CEP63: variants seen among roughly 807,000 people sequenced by gnomAD.
CEP63 encodes the protein centrosomal protein of 63 kDa.
CEP63 carries 84 observed loss-of-function variants against 89.1 expected under a neutral mutation model. The observed-to-expected ratio is 0.94, with a 90% CI of 0.79 to 1.13. The LOEUF is 1.13. Ranked by LOEUF, CEP63 falls within the 50% of genes most tolerant of loss-of-function variation. CEP63 has a pLI of 0.00. For missense variants in CEP63, 838 were observed against 813.3 expected (o/e 1.03, Z -0.37); for synonymous variants, 267 against 272.5 (o/e 0.98, Z 0.20).
At chr3:134,750,313 C>A in the CEP63 span, among the ~76,000 whole-genome samples, 1 of 152,166 alleles carries the variant, frequency 6.6e-6, no homozygotes, top group African/African-American at 2.4e-5. Flanking sequence ...TAGTATATGA[C>A]CCAGCCCCTG....
chr3:134,554,097 T>C (rs1483630778), intron 12 of CEP63, among the ~76,000 whole-genome samples: 1 of 152,198 alleles, frequency 6.6e-6, no homozygotes, highest in Non-Finnish European at 1.5e-5. Context: ...CCTTTTATTA[T>C]TATACTTTAA....
the CEP63 span, among the ~76,000 whole-genome samples, chr3:134,684,224 G>A: frequency 6.6e-6 from 1 of 152,184 alleles, no homozygotes; most frequent in East Asian, 1.9e-4. Context: ...GACTAAGGAG[G>A]GGACTAAGCT....
chr3:134,499,317 T>G (rs1182963703), intron 2 of CEP63, among the ~76,000 whole-genome samples: 1 of 152,192 alleles, frequency 6.6e-6, no homozygotes, highest in Non-Finnish European at 1.5e-5. Context: ...TTGTTTGTAA[T>G]AATCTCTAAT....
the CEP63 span, chr3:134,603,500 G>A: frequency 7.6e-6 from 10 of 1,308,790 alleles, no homozygotes; most frequent in Non-Finnish European, 9.5e-6. Flanking sequence ...GGTGTCCAGG[G>A]CTCCCTGCAC....
the CEP63 span, among the ~76,000 whole-genome samples, chr3:134,635,958 G>A: frequency 6.6e-6 from 1 of 152,128 alleles, no homozygotes; most frequent in Non-Finnish European, 1.5e-5. Context: ...ATAGCCATAT[G>A]TTATCATTTC....
intron 2 of CEP63, among the ~76,000 whole-genome samples, chr3:134,503,976 C>T (rs1316891559): frequency 6.6e-6 from 1 of 152,048 alleles, no homozygotes; most frequent in Non-Finnish European, 1.5e-5. Flanking sequence ...GAATTTAAAC[C>T]ATTTACATTC....
At chr3:134,640,849 C>T in the CEP63 span, among the ~76,000 whole-genome samples, 1 of 152,200 alleles carries the variant, frequency 6.6e-6, no homozygotes, top group Admixed American at 6.5e-5. Context: ...TATCACAATG[C>T]CTCTTAAGGG....
intron 3 of CEP63, among the ~76,000 whole-genome samples, chr3:134,530,625 T>G (rs1024377524): frequency 1.3e-5 from 2 of 152,210 alleles, no homozygotes; most frequent in African/African-American, 2.4e-5. Context: ...TTTTCATTAG[T>G]TTTAAGCTCA....
At chr3:134,759,745 GATAGCAATGATGACA>G in the CEP63 span, among the ~76,000 whole-genome samples, 1 of 152,192 alleles carries the variant, frequency 6.6e-6, no homozygotes, top group Non-Finnish European at 1.5e-5. Context: ...TACTGGTATT[GATAGCAATGATGACA>G]ATAACTGTAA....
At chr3:134,567,355 AATTG>A (rs898015551), downstream of CEP63, among the ~76,000 whole-genome samples, 1 of 151,828 alleles carries the variant, frequency 6.6e-6, no homozygotes, top group Non-Finnish European at 1.5e-5. Flanking sequence ...AATGTTCTAA[AATTG>A]ATTGTGATGG....
chr3:134,508,165 G>A (rs897176606), intron 3 of CEP63, among the ~76,000 whole-genome samples: 11 of 152,260 alleles, frequency 7.2e-5, no homozygotes, highest in Non-Finnish European at 1.0e-4. Flanking sequence ...AATGTTTCTC[G>A]TAACAAAGAG....
At chr3:134,495,217 C>G (rs1053873003) in intron 1 of CEP63, 79 bp from the exon 2 acceptor site, 18 of 1,009,652 alleles carry the variant, frequency 1.8e-5, no homozygotes, top group African/African-American at 4.8e-5. Context: ...TGCTTTCATT[C>G]ACATTCTTAA....
chr3:134,633,981 A>T, the CEP63 span, among the ~76,000 whole-genome samples: 1 of 152,236 alleles, frequency 6.6e-6, no homozygotes, highest in Non-Finnish European at 1.5e-5. Flanking sequence ...TGGAGATGGC[A>T]TTTAAAAATA....
intron 2 of CEP63, among the ~76,000 whole-genome samples, chr3:134,500,506 T>C (rs13070654): frequency 0.18 from 27,656 of 152,212 alleles, 3,284 homozygotes; most frequent in Non-Finnish European, 0.27. Flanking sequence ...TTTTTAGTTA[T>C]TTGAGAAATC....
At chr3:134,581,876 C>T (rs190765970) in intron 10 of CEP63, among the ~76,000 whole-genome samples, 10 of 151,374 alleles carry the variant, frequency 6.6e-5, no homozygotes, top group South Asian at 2.1e-4. Flanking sequence ...GGGGTTTCAC[C>T]GTGTTAGCCA....
At chr3:134,762,440 C>T in the CEP63 span, among the ~76,000 whole-genome samples, 1 of 152,092 alleles carries the variant, frequency 6.6e-6, no homozygotes, top group Non-Finnish European at 1.5e-5. Context: ...CTCTAAAATT[C>T]GTATGTTGAA....
At chr3:134,573,868 A>G (rs564042029) in intron 11 of CEP63, among the ~76,000 whole-genome samples, 1 of 152,330 alleles carries the variant, frequency 6.6e-6, no homozygotes, top group Admixed American at 6.5e-5. Context: ...CTGACAGATC[A>G]GAGCATTCTG....
chr3:134,503,734 T>C (rs1009280613), intron 2 of CEP63, among the ~76,000 whole-genome samples: 1 of 152,176 alleles, frequency 6.6e-6, no homozygotes. Flanking sequence ...TGTTGCTGAA[T>C]TGATCCCTTT....
the CEP63 span, among the ~76,000 whole-genome samples, chr3:134,736,807 AAGAAC>A: frequency 6.6e-6 from 1 of 152,202 alleles, no homozygotes; most frequent in Non-Finnish European, 1.5e-5. Context: ...ATTTACATGG[AAGAAC>A]ATTCATCCCA....
Sources: gnomAD v4.1 joint callset for allele counts (sites outside exome capture counted in the v4.1 genomes callset) on GRCh38, gnomAD v4.1.1 for gene constraint, MANE v1.5 for transcripts, NCBI Gene and HGNC (gene_info 2026-07-23, HGNC 2026-07-21) for gene names.